DZIP1L: variants seen among roughly 807,000 people sequenced by gnomAD.
DZIP1L encodes cilium assembly protein DZIP1L.
A neutral mutation model predicts 88.7 loss-of-function variants in DZIP1L; 90 were observed. That is an observed-to-expected ratio of 1.02 (90% CI 0.86 to 1.21). The LOEUF (loss-of-function observed/expected upper bound fraction) is 1.21. Among genes scored for constraint, DZIP1L ranks in the 50% most tolerant of loss-of-function variants. The pLI, the probability that DZIP1L is intolerant of heterozygous loss-of-function variation, is 0.00. For synonymous variants in DZIP1L, 363 were observed against 372.1 expected, an observed-to-expected ratio of 0.98 and a Z score of 0.28; for missense variants, 932 against 955.8, an observed-to-expected ratio of 0.98 and a Z score of 0.33.
At chr3:138,081,711 C>T in intron 9 of DZIP1L, 23 bp downstream of exon 9, 2 of 1,609,918 alleles carry the variant, frequency 1.2e-6, no homozygotes, top group Non-Finnish European at 8.5e-7. Context: ...GACTGCTACA[C>T]ACTGCCCTGT....
At chr3:138,110,174 C>G (rs2042594563) in intron 1 of DZIP1L, among the ~76,000 whole-genome samples, 1 of 152,018 alleles carries the variant, frequency 6.6e-6, no homozygotes, top group Admixed American at 6.6e-5. Flanking sequence ...TGCTGGAAAC[C>G]ATCATTCTGA....
Position 138,084,765 on chromosome 3 carries a change from G to T in DZIP1L, c.1063-512C>A, listed in dbSNP as rs372210900. On this transcript the variant is annotated intron_variant, in intron 7 of 15. Coordinates refer to ENST00000327532, the MANE Select transcript of DZIP1L (RefSeq NM_173543.3). Reference sequence around the variant, plus strand: ...CAGTGTATCTTAATATATTTCTCCTGTTTTTGGAACAGGAAATGTGAATGT... The same window carrying T: ...CAGTGTATCTTAATATATTTCTCCTTTTTTTGGAACAGGAAATGTGAATGT... Among the ~76,000 whole-genome samples the T allele has an allele frequency of 5.3e-5, 8 of 152,268 alleles. No individual in the cohort carries two copies. In the East Asian group the frequency reaches 5.8e-4, roughly 11 times the overall value.
intron 2 of DZIP1L, chr3:138,101,731 C>T (rs539665076): frequency 1.1e-5 from 10 of 884,150 alleles, no homozygotes; most frequent in South Asian, 6.5e-5. Context: ...AGACTCCAGC[C>T]GGCTTTCCTT....
intron 1 of DZIP1L, among the ~76,000 whole-genome samples, chr3:138,110,243 T>C (rs549742358): frequency 2.9e-4 from 44 of 152,008 alleles, no homozygotes; most frequent in Admixed American, 4.6e-4. Flanking sequence ...TAGGTGGGAA[T>C]TGAACAATGA....
In DZIP1L at chr3:138,062,988, T is replaced by C; in HGVS notation, c.2143-11A>G. On this transcript the variant is annotated splice_polypyrimidine_tract_variant and intron_variant, in intron 15 of 15. Coordinates refer to ENST00000327532, the MANE Select transcript of DZIP1L (RefSeq NM_173543.3). The stretch of plus-strand genomic sequence containing the variant: ...CTCATCTTCAGAAAGCTGCAGGGGG[T>C]AAAGGGGAGAAGAAAATGCATTTTG... 6.2e-7 allele frequency: 1 copy of C among 1,612,546 alleles called. No individual in the cohort carries two copies. Among genetic ancestry groups the C allele is most frequent in the Non-Finnish European group, 8.5e-7 (1 of 1,179,560 alleles).
intron 2 of DZIP1L, among the ~76,000 whole-genome samples, chr3:138,100,360 T>C (rs955762391): frequency 1.3e-5 from 2 of 152,214 alleles, no homozygotes; most frequent in African/African-American, 4.8e-5. Flanking sequence ...TCCCATACCT[T>C]GTCCTCTCTT....
intron 1 of DZIP1L, among the ~76,000 whole-genome samples, chr3:138,105,560 TA>T: frequency 6.6e-6 from 1 of 152,272 alleles, no homozygotes; most frequent in East Asian, 1.9e-4. Context: ...TAATACAATG[TA>T]AATGCTATAA....
chr3:138,066,447 A>G (rs2107731254), intron 14 of DZIP1L, among the ~76,000 whole-genome samples: 1 of 152,348 alleles, frequency 6.6e-6, no homozygotes, highest in Non-Finnish European at 1.5e-5. Flanking sequence ...ATGGTTTACA[A>G]GTAAATAAAT....
chr3:138,095,506 C>A (rs555008443), intron 3 of DZIP1L, among the ~76,000 whole-genome samples: 181 of 152,220 alleles, frequency 1.2e-3, no homozygotes, highest in African/African-American at 4.2e-3. Context: ...TCAGGCCGGG[C>A]GCAGTGGCTC....
chr3:138,105,752 A>C (rs1402133945), intron 1 of DZIP1L, among the ~76,000 whole-genome samples: 2 of 152,146 alleles, frequency 1.3e-5, no homozygotes, highest in Non-Finnish European at 2.9e-5. Context: ...ACACACACAT[A>C]CATATGAAAG....
At position 138,092,394 on chromosome 3, in the gene DZIP1L, TAG is replaced by T. The variant is rs762512213; in HGVS notation, c.857_858del (p.Ser286TyrfsTer25). ...DEFKNVAKQN[S>X]TLEEKLRALQ... is the part of the protein sequence containing the mutation. ...TTTATGTTGGGTACCTCTTCTAGTGTAGAGTTCTGCTTGGCGACATTTTTAAA... is the reference window on the plus strand; with the variant it reads ...TTTATGTTGGGTACCTCTTCTAGTGTAGTTCTGCTTGGCGACATTTTTAAA... On this transcript the variant is annotated frameshift_variant, in exon 5 of 16. Transcript: ENST00000327532. LOFTEE classifies it high-confidence loss of function. 8 of 1,589,972 alleles carry T rather than the reference TAG, an allele frequency of 5.0e-6. No homozygotes were observed. In the African/African-American group the frequency reaches 9.5e-5, roughly 19 times the overall value.
intron 14 of DZIP1L, 59 bp from the exon 15 acceptor site, chr3:138,064,826 T>C (rs1443967017): frequency 2.6e-6 from 4 of 1,528,398 alleles, no homozygotes; most frequent in Non-Finnish European, 3.5e-6. Flanking sequence ...AACATCTCAG[T>C]TTTGTGGCTC....
Position 138,071,722 on chromosome 3 carries a change from A to G in DZIP1L, c.1536T>C (p.Leu512=), listed in dbSNP as rs745372080. ...FSEFLSLRGK[L]VKEVTSRAKE... Reference sequence around the variant, plus strand: ...TCGCTCTGCTGGTGACTTCCTTGACAAGCTTTCCCCTCAGACTCAGAAATT... The same window carrying G: ...TCGCTCTGCTGGTGACTTCCTTGACGAGCTTTCCCCTCAGACTCAGAAATT... Residue 512 remains leucine, a synonymous_variant, in exon 12 of 16, where the codon CTT becomes CTC. Coordinates refer to ENST00000327532, the MANE Select transcript of DZIP1L (RefSeq NM_173543.3). 1 of 1,614,192 alleles carries G rather than the reference A, an allele frequency of 6.2e-7. No homozygotes were observed. The highest frequency in any genetic ancestry group is 1.1e-5 in the South Asian group (1 of 91,080).
rs531638324 is a variant in DZIP1L at position 138,063,944 on chromosome 3, G to C, written c.2142+684C>G. Among the ~76,000 whole-genome samples the C allele has an allele frequency of 6.6e-6, 1 of 152,290 alleles. No homozygotes were observed. Among genetic ancestry groups the C allele is most frequent in the Middle Eastern group, 3.4e-3 (1 of 294 alleles). ...GCACCTTTTTGATACAGAAAGGTGA[G>C]AAAGGAGTGTGAAGTAAAGGGAGCT... On this transcript the variant is annotated intron_variant, in intron 15 of 15. Coordinates refer to ENST00000327532, the MANE Select transcript of DZIP1L (RefSeq NM_173543.3). The surrounding 1 kb of genome is among the most constrained non-coding windows in gnomAD (Gnocchi z 4.1).
intron 11 of DZIP1L, among the ~76,000 whole-genome samples, chr3:138,074,426 A>G (rs1943309470): frequency 6.6e-6 from 1 of 152,188 alleles, no homozygotes; most frequent in Non-Finnish European, 1.5e-5. Flanking sequence ...AAACAAAACA[A>G]TTATCAGCCA....
At chr3:138,111,928 G>A (rs1273341802) in intron 1 of DZIP1L, among the ~76,000 whole-genome samples, 1 of 151,866 alleles carries the variant, frequency 6.6e-6, no homozygotes, top group Non-Finnish European at 1.5e-5. Context: ...CCAGGAGGTG[G>A]AAGTTGCAGT....
At position 138,068,323 on chromosome 3, in the gene DZIP1L, T is replaced by G. The variant is rs758647781; in HGVS notation, c.1660A>C (p.Lys554Gln). The change falls in exon 13 of 16, where the codon AAG (lysine) becomes CAG (glutamine). Residue 554 changes from lysine to glutamine, a missense_variant. Lys to Gln is a moderately conservative substitution (Grantham distance 53). Transcript: ENST00000327532. Reference sequence around the variant, plus strand: ...AAGGCCACCTGCAGGGTCCTGGTCTTTGGCTGGGCCTCTCTGGTGACCAGT... The same window carrying G: ...AAGGCCACCTGCAGGGTCCTGGTCTGTGGCTGGGCCTCTCTGGTGACCAGT... ...STLVTREAQP[K>Q]TRTLQVALPS... The G allele has an allele frequency of 6.3e-7, 1 of 1,586,858 alleles. No homozygotes were observed. The highest frequency in any genetic ancestry group is 1.1e-5 in the South Asian group (1 of 87,220).
At chr3:138,092,279 T>C in intron 5 of DZIP1L, 104 bp downstream of exon 5, 1 of 1,297,984 alleles carries the variant, frequency 7.7e-7, no homozygotes, top group South Asian at 1.9e-5. Context: ...CACAGTGTTT[T>C]AGCTTCCAAC....
At chr3:138,074,256 A>T (rs934673677) in intron 11 of DZIP1L, among the ~76,000 whole-genome samples, 8 of 152,196 alleles carry the variant, frequency 5.3e-5, no homozygotes, top group African/African-American at 1.9e-4. Flanking sequence ...GCACATAGTC[A>T]ACCGGTTATC....
Sources: allele counts gnomAD v4.1 joint callset (sites outside exome capture counted in the v4.1 genomes callset), GRCh38; gene constraint gnomAD v4.1.1; non-coding constraint Gnocchi (gnomAD v3.1); transcripts MANE v1.5; gene names NCBI Gene and HGNC (gene_info 2026-07-23, HGNC 2026-07-21).